The following NKAIN2 variants were observed in gnomAD, a reference collection of about 807,000 sequenced individuals.
NKAIN2 encodes the protein sodium/potassium transporting ATPase interacting 2.
Under a neutral mutation model 32.6 loss-of-function variants are expected in NKAIN2, and 14 were observed. That is an observed-to-expected ratio of 0.43 (90% CI 0.28 to 0.67). NKAIN2 has a LOEUF of 0.67. Among genes scored for constraint, NKAIN2 ranks in the 30% least tolerant of loss-of-function variants. The pLI is 0.17. For synonymous variants in NKAIN2, 80 were observed against 87.2 expected, an observed-to-expected ratio of 0.92 and a Z score of 0.46; for missense variants, 198 against 258.3, an observed-to-expected ratio of 0.77 and a Z score of 1.60.
At chr6:124,193,874 A>G (rs1340732222) in intron 1 of NKAIN2, among the ~76,000 whole-genome samples, 51 of 151,970 alleles carry the variant, frequency 3.4e-4, no homozygotes, top group Non-Finnish European at 1.5e-5. Context: ...TTGGCAGGCA[A>G]ATCATTCCAT....
chr6:124,321,863 G>C (rs898483832), intron 2 of NKAIN2, among the ~76,000 whole-genome samples: 1 of 152,054 alleles, frequency 6.6e-6, no homozygotes, highest in Non-Finnish European at 1.5e-5. Flanking sequence ...ACTTAATATG[G>C]TTATTATCCA....
At chr6:124,562,835 C>T (rs1018210574) in intron 3 of NKAIN2, among the ~76,000 whole-genome samples, 9 of 151,310 alleles carry the variant, frequency 5.9e-5, no homozygotes, top group Non-Finnish European at 8.8e-5. Context: ...CATATAGCTT[C>T]GGAAAATGCC....
intron 2 of NKAIN2, among the ~76,000 whole-genome samples, chr6:124,287,473 A>G (rs1019355058): frequency 1.3e-5 from 2 of 152,186 alleles, no homozygotes; most frequent in Admixed American, 1.3e-4. Context: ...AAAGATTAAA[A>G]ACTTAAAACA....
rs193114409 is a variant in NKAIN2, at chr6:124,331,250, C to T, written c.193-24017C>T. 3.2e-3 allele frequency among the ~76,000 whole-genome samples: 477 copies of T among 148,876 alleles called. 6 individuals carry two copies. Among genetic ancestry groups the T allele is most frequent in the African/African-American group, 0.011 (458 of 40,376 alleles). ...GGCACAGTGGCTCACGCCTATAATCCCAGCACTTTGGGAGGATGAGGCAGG... is the reference window on the plus strand; with the variant it reads ...GGCACAGTGGCTCACGCCTATAATCTCAGCACTTTGGGAGGATGAGGCAGG... On this transcript the variant is annotated intron_variant, in intron 2 of 6. Coordinates refer to ENST00000368417, the MANE Select transcript of NKAIN2 (RefSeq NM_001040214.3).
chr6:124,810,486 G>A (rs971873674), intron 5 of NKAIN2, among the ~76,000 whole-genome samples: 5 of 152,034 alleles, frequency 3.3e-5, no homozygotes, highest in African/African-American at 9.7e-5. Context: ...ACTGTTGTGG[G>A]GTGGGGGGAG....
chr6:124,782,562 C>A lies in NKAIN2; in HGVS notation c.475-8777C>A, dbSNP rs7758225. ...GCAGCATACTCCTTCCAGTGAAATTCATGGATCCTTCTTTAGCCTTGTCTA... is the reference window on the plus strand; with the variant it reads ...GCAGCATACTCCTTCCAGTGAAATTAATGGATCCTTCTTTAGCCTTGTCTA... On this transcript the variant is annotated intron_variant, in intron 4 of 6. Coordinates refer to ENST00000368417, the MANE Select transcript of NKAIN2 (RefSeq NM_001040214.3). Among the ~76,000 whole-genome samples the A allele has an allele frequency of 6.8e-3, 1,039 of 152,232 alleles. 12 individuals carry two copies. The highest frequency in any genetic ancestry group is 0.024 in the African/African-American group (996 of 41,582).
chr6:123,866,202 T>A (rs1163809631), intron 1 of NKAIN2, among the ~76,000 whole-genome samples: 1 of 152,200 alleles, frequency 6.6e-6, no homozygotes, highest in Non-Finnish European at 1.5e-5. Context: ...TTAACATCTC[T>A]TCTTGTATTT....
chr6:124,157,102 C>CA (rs386408503), intron 1 of NKAIN2, among the ~76,000 whole-genome samples: 2,734 of 48,972 alleles, frequency 0.056, 866 homozygotes, highest in African/African-American at 0.15. Flanking sequence ...GACTCTGTCT[C>CA]AAAAAAAAAA....
chr6:124,734,567 G>A (rs1366047132), intron 4 of NKAIN2, among the ~76,000 whole-genome samples: 1 of 151,696 alleles, frequency 6.6e-6, no homozygotes, highest in East Asian at 1.9e-4. Context: ...TATAAGCCAG[G>A]ACAAAAAAGA....
rs550477835 is a variant in NKAIN2, at chr6:124,241,142, A to G, written c.55-41863A>G. ...AATCATGAGAGAACTCTCATTCACA[A>G]TTGCTACAAAGATAATAAAATACCT... On this transcript the variant is annotated intron_variant, in intron 1 of 6. Transcript: ENST00000368417. Among the ~76,000 whole-genome samples the G allele has an allele frequency of 1.3e-3, 195 of 152,298 alleles. 1 individual carries two copies. Among genetic ancestry groups the G allele is most frequent in the African/African-American group, 4.6e-3 (190 of 41,558 alleles).
At chr6:123,902,776 A>T (rs1774668023) in intron 1 of NKAIN2, among the ~76,000 whole-genome samples, 1 of 152,222 alleles carries the variant, frequency 6.6e-6, no homozygotes, top group African/African-American at 2.4e-5. Context: ...CAGATAAATT[A>T]TAAAAATACG....
At chr6:124,083,821 C>G (rs1009059982) in intron 1 of NKAIN2, among the ~76,000 whole-genome samples, 1 of 151,918 alleles carries the variant, frequency 6.6e-6, no homozygotes, top group African/African-American at 2.4e-5. Flanking sequence ...CATTTGTGTA[C>G]TGGCCTTTTT....
chr6:124,392,782 A>T (rs947433533), intron 3 of NKAIN2, among the ~76,000 whole-genome samples: 3 of 152,218 alleles, frequency 2.0e-5, no homozygotes, highest in Non-Finnish European at 4.4e-5. Context: ...TATAAATTTT[A>T]TAAATAATTC....
intron 4 of NKAIN2, among the ~76,000 whole-genome samples, chr6:124,770,340 A>T (rs1450940693): frequency 3.3e-5 from 5 of 152,050 alleles, no homozygotes; most frequent in African/African-American, 1.2e-4. Context: ...GTTAGTCTCC[A>T]TTCACACCCT....
At chr6:124,354,420 A>G (rs781531970) in intron 2 of NKAIN2, among the ~76,000 whole-genome samples, 2 of 152,196 alleles carry the variant, frequency 1.3e-5, no homozygotes. Context: ...TATCATCATT[A>G]TAGAAGGTAC....
At position 124,150,074 on chromosome 6, in the gene NKAIN2, C is replaced by T. The variant is rs116426146; in HGVS notation, c.55-132931C>T. Among the ~76,000 whole-genome samples, 1,241 of 152,262 alleles carry T rather than the reference C, an allele frequency of 8.2e-3. 13 individuals carry two copies. The highest frequency in any genetic ancestry group is 0.042 in the South Asian group (202 of 4,824). On this transcript the variant is annotated intron_variant, in intron 1 of 6. Transcript: ENST00000368417. Reference sequence around the variant, plus strand: ...CTCCCTTGTACCTATTCCTTGCGCTCTGCCTCAGGGTTATAGAATAGGTGT... The same window carrying T: ...CTCCCTTGTACCTATTCCTTGCGCTTTGCCTCAGGGTTATAGAATAGGTGT...
At chr6:124,065,691 A>T (rs1783135453) in intron 1 of NKAIN2, among the ~76,000 whole-genome samples, 1 of 152,110 alleles carries the variant, frequency 6.6e-6, no homozygotes, top group Admixed American at 6.6e-5. Context: ...TTTATAGATT[A>T]CCCTGTCTCA....
At chr6:124,371,609 G>A (rs560423270) in intron 3 of NKAIN2, among the ~76,000 whole-genome samples, 10 of 147,024 alleles carry the variant, frequency 6.8e-5, no homozygotes, top group East Asian at 2.1e-4. Flanking sequence ...CAGGAGAATC[G>A]CTTGAACTTG....
chr6:124,706,505 C>CAAA (rs772823814), intron 4 of NKAIN2, among the ~76,000 whole-genome samples: 1 of 150,998 alleles, frequency 6.6e-6, no homozygotes, highest in Non-Finnish European at 1.5e-5. Context: ...TCAAAAAAAA[C>CAAA]AAAAAAAAGA....
Sources: gnomAD v4.1 joint callset for allele counts (sites outside exome capture counted in the v4.1 genomes callset) on GRCh38, gnomAD v4.1.1 for gene constraint, MANE v1.5 for transcripts, NCBI Gene and HGNC (gene_info 2026-07-23, HGNC 2026-07-21) for gene names.